Variants in HCN1 observed in about 807,000 individuals in gnomAD.
The protein encoded by HCN1 is potassium/sodium hyperpolarization-activated cyclic nucleotide-gated channel 1.
HCN1 carries 13 observed loss-of-function variants against 78.9 expected under a neutral mutation model. The ratio of observed to expected loss-of-function variants is 0.16; its 90% confidence interval spans 0.11 to 0.26. The LOEUF (loss-of-function observed/expected upper bound fraction) is 0.26. HCN1 is among the 10% of genes least tolerant of loss of function. HCN1 has a pLI of 1.00. For missense variants in HCN1, 810 were observed against 1,154.3 expected (o/e 0.70, Z 4.32); for synonymous variants, 552 against 455.5 (o/e 1.21, Z -2.70).
chr5:45,484,454 A>G (rs910088797), intron 2 of HCN1, among the ~76,000 whole-genome samples: 1 of 152,090 alleles, frequency 6.6e-6, no homozygotes, highest in African/African-American at 2.4e-5. Context: ...ATCCGTCTAA[A>G]TATAAACAGA....
chr5:45,315,394 C>T (rs2111924995), intron 5 of HCN1, among the ~76,000 whole-genome samples: 1 of 152,242 alleles, frequency 6.6e-6, no homozygotes, highest in Admixed American at 6.5e-5. Context: ...ATGCCAAAAC[C>T]TCTGGGACAC....
intron 7 of HCN1, among the ~76,000 whole-genome samples, chr5:45,266,170 A>G (rs755106895): frequency 2.0e-5 from 3 of 152,358 alleles, no homozygotes; most frequent in Non-Finnish European, 4.4e-5. Flanking sequence ...CAAATCTTCA[A>G]ACTAGCATAA....
intron 5 of HCN1, among the ~76,000 whole-genome samples, chr5:45,310,548 C>T (rs564453134): frequency 2.9e-4 from 44 of 152,184 alleles, no homozygotes; most frequent in South Asian, 2.1e-4. Flanking sequence ...TAAAAAGGAA[C>T]GTTTATACAC....
intron 1 of HCN1, among the ~76,000 whole-genome samples, chr5:45,647,020 C>T (rs969715523): frequency 5.9e-5 from 9 of 152,154 alleles, no homozygotes; most frequent in Non-Finnish European, 1.3e-4. Context: ...TTCAAAGTTA[C>T]TATCATCTGT....
intron 1 of HCN1, among the ~76,000 whole-genome samples, chr5:45,694,741 T>C (rs1321052436): frequency 2.0e-5 from 3 of 152,208 alleles, no homozygotes; most frequent in African/African-American, 7.2e-5. Flanking sequence ...GAGGATCTAC[T>C]ACACGACCTT....
At chr5:45,695,234 T>G in intron 1 of HCN1, 1 of 194,704 alleles carries the variant, frequency 5.1e-6, no homozygotes, top group Non-Finnish European at 1.0e-5. Flanking sequence ...TTACCCAGTC[T>G]TCTTCTGAGC....
At chr5:45,466,822 A>T (rs1741279562) in intron 2 of HCN1, among the ~76,000 whole-genome samples, 1 of 152,076 alleles carries the variant, frequency 6.6e-6, no homozygotes. Flanking sequence ...ACTTCATATG[A>T]GAGAATAACA....
intron 2 of HCN1, among the ~76,000 whole-genome samples, chr5:45,492,519 GT>G (rs928476311): frequency 1.1e-3 from 108 of 102,342 alleles, no homozygotes; most frequent in African/African-American, 2.3e-3. Context: ...CAGTTTTTTT[GT>G]TTTTTTTTTT....
intron 1 of HCN1, among the ~76,000 whole-genome samples, chr5:45,655,967 T>C (rs998811934): frequency 6.6e-6 from 1 of 152,126 alleles, no homozygotes; most frequent in Non-Finnish European, 1.5e-5. Context: ...TCAAAAAATA[T>C]GTACACAGCA....
In HCN1 at chr5:45,409,163, T is replaced by C. The variant is rs1014747254; in HGVS notation, c.1012-12453A>G. On this transcript the variant is annotated intron_variant, in intron 3 of 7. Transcript: ENST00000303230. ...CAAGAGACTATATAAAAGGCTGCTA[T>C]ATTAACAAGCTCTATATAAAAGAGC... 4.6e-5 allele frequency among the ~76,000 whole-genome samples: 7 copies of C among 152,114 alleles called. No homozygotes were observed. In the East Asian group the frequency reaches 1.3e-3, roughly 29 times the overall value.
rs1003115655 is a variant in HCN1 at position 45,625,214 on chromosome 5, A to G, written c.849+19971T>C. ...GCTACTTGGGAGACTGAGGTGGGATAATCTCTTGAACCTTGGAGGCAGGGG... is the reference window on the plus strand; with the variant it reads ...GCTACTTGGGAGACTGAGGTGGGATGATCTCTTGAACCTTGGAGGCAGGGG... On this transcript the variant is annotated intron_variant, in intron 2 of 7. Transcript: ENST00000303230. Among the ~76,000 whole-genome samples, 3 of 152,170 alleles carry G rather than the reference A, an allele frequency of 2.0e-5. No homozygotes were observed. In the South Asian group the frequency reaches 6.2e-4, roughly 32 times the overall value.
At chr5:45,550,041 CT>C (rs1743331581) in intron 2 of HCN1, among the ~76,000 whole-genome samples, 1 of 152,136 alleles carries the variant, frequency 6.6e-6, no homozygotes, top group Non-Finnish European at 1.5e-5. Flanking sequence ...CACTTTTACA[CT>C]GTTGGTGGGA....
At chr5:45,387,465 AT>A (rs558574099) in intron 4 of HCN1, among the ~76,000 whole-genome samples, 1 of 151,986 alleles carries the variant, frequency 6.6e-6, no homozygotes, top group Middle Eastern at 3.2e-3. Context: ...TACATACTGA[AT>A]TTTTTTTAAT....
At chr5:45,682,503 TA>T (rs1301410728) in intron 1 of HCN1, among the ~76,000 whole-genome samples, 3 of 152,018 alleles carry the variant, frequency 2.0e-5, no homozygotes, top group African/African-American at 7.2e-5. Flanking sequence ...AAATTATATA[TA>T]AAAACCAAAG....
chr5:45,401,244 A>G (rs1291506609), intron 3 of HCN1, among the ~76,000 whole-genome samples: 1 of 152,152 alleles, frequency 6.6e-6, no homozygotes, highest in Non-Finnish European at 1.5e-5. Context: ...AGTGAGAAAT[A>G]ATAACCCATT....
intron 2 of HCN1, among the ~76,000 whole-genome samples, chr5:45,492,757 C>T (rs892009976): frequency 6.6e-6 from 1 of 152,084 alleles, no homozygotes; most frequent in Admixed American, 6.5e-5. Context: ...CAGCCTCAGC[C>T]TCCCAAAGTG....
chr5:45,552,179 T>A (rs1355421927), intron 2 of HCN1, among the ~76,000 whole-genome samples: 6 of 151,960 alleles, frequency 3.9e-5, no homozygotes, highest in Admixed American at 3.3e-4. Context: ...TTTGGCGAAA[T>A]CTGTCACATA....
chr5:45,654,043 T>C (rs1745724704), intron 1 of HCN1, among the ~76,000 whole-genome samples: 1 of 152,114 alleles, frequency 6.6e-6, no homozygotes, highest in Admixed American at 6.6e-5. Flanking sequence ...AATAAACTAT[T>C]TTAATCTTCT....
At chr5:45,432,381 G>T (rs1740480733) in intron 3 of HCN1, among the ~76,000 whole-genome samples, 1 of 152,048 alleles carries the variant, frequency 6.6e-6, no homozygotes, top group Admixed American at 6.6e-5. Context: ...TCTGCAAAGG[G>T]ATAGTTTGAC....
Sources: allele counts gnomAD v4.1 joint callset (sites outside exome capture counted in the v4.1 genomes callset), GRCh38; gene constraint gnomAD v4.1.1; transcripts MANE v1.5; gene names NCBI Gene and HGNC (gene_info 2026-07-23, HGNC 2026-07-21).